The following PARP10 variants were observed in gnomAD, a reference collection of about 807,000 sequenced individuals.
PARP10 encodes poly(ADP-ribose) polymerase family member 10.
In PARP10, 56 loss-of-function variants were observed where a neutral mutation model predicts 82.4. The ratio of observed to expected loss-of-function variants is 0.68; its 90% confidence interval spans 0.55 to 0.85. The LOEUF (loss-of-function observed/expected upper bound fraction) is 0.85, where lower values mean the gene tolerates loss of function less well. Ranked by LOEUF, PARP10 falls within the 40% of genes least tolerant of loss-of-function variation. PARP10 has a pLI of 0.00. For synonymous variants in PARP10, 576 were observed against 601.1 expected (o/e 0.96, Z 0.61); for missense variants, 1,227 against 1,379.4 (o/e 0.89, Z 1.75).
rs199886193 is a variant in PARP10, at chr8:143,977,702, C to T, written c.2860G>A (p.Gly954Arg). ...GCCCGCAGACCGCGGCGGCCCTGCC[C>T]GTAGTCGCCAGTCAGCACCCGTGCC... ...FVARVLTGDYGQGRRGLRAPP... is the reference protein window; with the variant it reads ...FVARVLTGDYRQGRRGLRAPP... Residue 954 changes from glycine (G) to arginine (R), a missense_variant, in exon 11 of 11, where the codon GGG (glycine) becomes AGG (arginine). Gly to Arg is a moderately radical substitution (Grantham distance 125). Coordinates refer to ENST00000313028, the MANE Select transcript of PARP10 (RefSeq NM_032789.5). The T allele has an allele frequency of 1.7e-5, 27 of 1,593,340 alleles. No individual in the cohort carries two copies. The East Asian group carries it at 5.8e-4, about 34-fold the overall frequency.
At chr8:144,007,438 T>C (rs1288892343) in intron 1 of PARP10, among the ~76,000 whole-genome samples, 5 of 152,234 alleles carry the variant, frequency 3.3e-5, no homozygotes, top group Non-Finnish European at 7.3e-5. Context: ...TATTATCTTG[T>C]CTGTTTCAAC....
At chr8:143,991,240 G>GT, upstream of PARP10, 2 of 1,578,238 alleles carry the variant, frequency 1.3e-6, no homozygotes, top group Admixed American at 1.8e-5. Context: ...CATGAAAAGA[G>GT]TTTTTTGGTG....
chr8:143,991,666 G>A (rs782308124), upstream of PARP10: 16 of 1,595,602 alleles, frequency 1.0e-5, 1 homozygote, highest in East Asian at 6.7e-5. Context: ...TGTGAGTGGC[G>A]CTGACCCAGC....
In PARP10 at chr8:143,977,694, G is replaced by A. The variant is rs782613390; in HGVS notation, c.2868C>T (p.Gly956=). Residue 956 remains glycine, a synonymous_variant, in exon 11 of 11, where the codon GGC becomes GGT. Coordinates refer to ENST00000313028, the MANE Select transcript of PARP10 (RefSeq NM_032789.5). ...GAGGGGGCGCCCGCAGACCGCGGCGGCCCTGCCCGTAGTCGCCAGTCAGCA... is the reference window on the plus strand; with the variant it reads ...GAGGGGGCGCCCGCAGACCGCGGCGACCCTGCCCGTAGTCGCCAGTCAGCA... The part of the protein sequence containing the change: ...ARVLTGDYGQ[G]RRGLRAPPLR... 1 of 1,592,094 alleles carries A rather than the reference G, an allele frequency of 6.3e-7. No homozygotes were observed. The highest frequency in any genetic ancestry group is 8.5e-7 in the Non-Finnish European group (1 of 1,170,122).
upstream of PARP10, among the ~76,000 whole-genome samples, chr8:143,994,866 C>A (rs1200930793): frequency 6.6e-6 from 1 of 152,188 alleles, no homozygotes; most frequent in Non-Finnish European, 1.5e-5. Flanking sequence ...GAGAAAGAAC[C>A]TGCCTAGCTC....
upstream of PARP10, chr8:143,992,292 C>A: frequency 6.3e-7 from 1 of 1,592,316 alleles, no homozygotes. Context: ...TGATCGCCAG[C>A]TTCTACAACA....
exon 1 of PARP10, chr8:144,012,531 A>G: frequency 6.4e-7 from 1 of 1,551,716 alleles, no homozygotes; most frequent in East Asian, 2.4e-5. Context: ...TCTACTCACC[A>G]ATTATGAAGG....
In PARP10 at chr8:144,007,526, T is replaced by G. The variant is rs190249599; in HGVS notation, c.-80+5004A>C. Among the ~76,000 whole-genome samples, 114 of 152,296 alleles carry G rather than the reference T, an allele frequency of 7.5e-4. 3 individuals are homozygous for G. In the South Asian group the frequency reaches 9.1e-3, roughly 12 times the overall value. On this transcript the variant is annotated intron_variant, in intron 1 of 3. Transcript: ENST00000530478. ...GGAAAAAGGTTGAATAAAAATGCAT[T>G]CCTATATTTATTGAGCACTTACCAT...
chr8:143,992,254 ACCGCCAG>A, upstream of PARP10: 1 of 1,602,958 alleles, frequency 6.2e-7, no homozygotes, highest in Non-Finnish European at 8.5e-7. Flanking sequence ...GTCGGTCCTG[ACCGCCAG>A]CCTGTCGTAC....
At chr8:143,989,937 C>CT (rs1216136788), upstream of PARP10, 1 of 152,246 alleles carries the variant, frequency 6.6e-6, no homozygotes, top group African/African-American at 2.4e-5. The surrounding 1 kb of genome is among the most constrained non-coding windows in gnomAD (Gnocchi z 4.3). Flanking sequence ...AGGCGGGCCT[C>CT]TGGCCGGAGC....
rs1554748691 is a variant in PARP10 at position 143,984,544 on chromosome 8, C to G, written c.1458G>C (p.Arg486=). 1.9e-6 allele frequency: 3 copies of G among 1,606,756 alleles called. No homozygotes were observed. The part of the protein sequence containing the change: ...PLEGPDMTGF[R]LCGAQASCQA... ...TGAGGAGTCCTGAGGGGTCACTCAC[C>G]CGAAAGCCAGTCATATCCGGTCCTT... Residue 486 remains arginine, a splice_region_variant and synonymous_variant, in exon 5 of 11, where the codon CGG becomes CGC. Transcript: ENST00000313028.
rs567345586 is a variant in PARP10 at position 144,004,050 on chromosome 8, C to T, written c.-80+8480G>A. 2.0e-5 allele frequency among the ~76,000 whole-genome samples: 3 copies of T among 152,032 alleles called. No individual in the cohort carries two copies. In the East Asian group the frequency reaches 5.8e-4, roughly 29 times the overall value. Reference sequence around the variant, plus strand: ...CAACAAAGGCCAGCGTGGTGGTGCACGCCTGTAATCCCAGCACTTTGGGAA... The same window carrying T: ...CAACAAAGGCCAGCGTGGTGGTGCATGCCTGTAATCCCAGCACTTTGGGAA... On this transcript the variant is annotated intron_variant, in intron 1 of 3. Coordinates refer to the PARP10 transcript ENST00000530478.
intron 1 of PARP10, among the ~76,000 whole-genome samples, chr8:144,001,096 A>T (rs568950053): frequency 6.6e-6 from 1 of 151,680 alleles, no homozygotes; most frequent in East Asian, 2.0e-4. Flanking sequence ...TTGTATTTTT[A>T]GTAGAGACGA....
At chr8:144,004,221 G>A (rs148052654) in intron 1 of PARP10, among the ~76,000 whole-genome samples, 1 of 152,124 alleles carries the variant, frequency 6.6e-6, no homozygotes, top group African/African-American at 2.4e-5. Context: ...TGAGGCAGTA[G>A]GATCACTTGA....
In PARP10 at chr8:143,978,085, C is replaced by T; in HGVS notation, c.2557-4G>A. The T allele has an allele frequency of 6.6e-7, 1 of 1,508,042 alleles. No homozygotes were observed. The highest frequency in any genetic ancestry group is 1.2e-5 in the South Asian group (1 of 81,170). 93.4% of individuals were successfully genotyped at this position (1,508,042 alleles called of 1,614,324 possible). On this transcript the variant is annotated splice_region_variant and splice_polypyrimidine_tract_variant and intron_variant, in intron 9 of 10. Transcript: ENST00000313028. ...GCGGGTGCGACACGCGCTCCACCTG[C>T]GGGGAAGGCCCGGGCCAGGATTAAA...
upstream of PARP10, chr8:143,991,542 A>C: frequency 6.7e-7 from 1 of 1,503,348 alleles, no homozygotes. Context: ...ATATCCCCAG[A>C]GCCCCTTCCC....
chr8:143,977,515 G>A lies in PARP10; in HGVS notation c.3047C>T (p.Ser1016Phe), dbSNP rs1833718998. Residue 1016 changes from serine to phenylalanine, a missense_variant, in exon 11 of 11, where the codon TCT becomes TTT. Physicochemically the swap from Ser to Phe is radical, Grantham distance 155. Coordinates refer to ENST00000313028, the MANE Select transcript of PARP10 (RefSeq NM_032789.5). The stretch of plus-strand genomic sequence containing the variant: ...GTCTGGGGAGCGGCCCGGGAGCCCA[G>A]AGGGGTCGTCGGGGGAAGCGCGGGG... ...HVPRASPDDP[S>F]GLPGRSPDT 2.6e-6 allele frequency: 4 copies of A among 1,557,778 alleles called. No individual in the cohort carries two copies. Among genetic ancestry groups the A allele is most frequent in the African/African-American group, 2.7e-5 (2 of 73,672 alleles).
chr8:143,979,868 C>T (rs1004443519), intron 9 of PARP10, among the ~76,000 whole-genome samples: 28 of 150,592 alleles, frequency 1.9e-4, no homozygotes, highest in Admixed American at 2.0e-4. Context: ...AAAATTTAGC[C>T]GGGCGCGGTG....
chr8:143,984,523 G>A (rs1226104466), intron 5 of PARP10, 21 bp downstream of exon 5: 3 of 1,595,708 alleles, frequency 1.9e-6, no homozygotes, highest in South Asian at 1.1e-5. Flanking sequence ...TGAAGGTGAG[G>A]AGTCCTGAGG....
Sources: gnomAD v4.1 joint callset for allele counts (sites outside exome capture counted in the v4.1 genomes callset) on GRCh38, gnomAD v4.1.1 for gene constraint, Gnocchi (gnomAD v3.1) non-coding constraint, MANE v1.5 for transcripts, NCBI Gene and HGNC (gene_info 2026-07-23, HGNC 2026-07-21) for gene names.